Variants in CNGB1 observed in about 807,000 individuals in gnomAD.
CNGB1 encodes the protein cyclic nucleotide-gated channel beta-1.
A neutral mutation model predicts 151.7 loss-of-function variants in CNGB1; 126 were observed. The observed-to-expected ratio is 0.83, with a 90% CI of 0.72 to 0.96. The LOEUF (loss-of-function observed/expected upper bound fraction) is 0.96. Among genes scored for constraint, CNGB1 ranks in the 40% least tolerant of loss-of-function variants. The probability of loss-of-function intolerance (pLI) is 0.00; values close to 1 mark genes in which losing one functional copy is unlikely to be tolerated. For missense variants in CNGB1, 1,698 were observed against 1,627.0 expected, an observed-to-expected ratio of 1.04 and a Z score of -0.75; for synonymous variants, 623 against 635.1, an observed-to-expected ratio of 0.98 and a Z score of 0.29.
At chr16:57,891,681 C>T (rs954140568) in intron 31 of CNGB1, among the ~76,000 whole-genome samples, 51 of 151,932 alleles carry the variant, frequency 3.4e-4, no homozygotes, top group South Asian at 2.1e-4. Flanking sequence ...CTCAGCCTCC[C>T]GGGTAGCTGG....
chr16:57,904,878 G>A lies in CNGB1; in HGVS notation c.2493-3C>T, dbSNP rs1174852346. 1 of 1,614,028 alleles carries A rather than the reference G, an allele frequency of 6.2e-7. No individual in the cohort carries two copies. The highest frequency in any genetic ancestry group is 8.5e-7 in the Non-Finnish European group (1 of 1,180,042). ...CAAAGTAGTAACAGCGAATATAACTGGAGAGAGAGGAGAAAGGGAACATGG... is the reference window on the plus strand; with the variant it reads ...CAAAGTAGTAACAGCGAATATAACTAGAGAGAGAGGAGAAAGGGAACATGG... On this transcript the variant is annotated splice_region_variant and splice_polypyrimidine_tract_variant and intron_variant, in intron 25 of 32. Transcript: ENST00000251102.
Position 57,959,901 on chromosome 16 carries a change from T to C in CNGB1, c.748A>G (p.Arg250Gly), listed in dbSNP as rs1273570277. The part of the protein sequence containing the change: ...QAQTSSLPPT[R>G]DPARLVAWVL... The stretch of plus-strand genomic sequence containing the variant: ...AGGGTGGCTCACCTGGCAGGGTCCC[T>C]GGTTGGTGGCAGGGAGGAGGTCTGG... Residue 250 changes from arginine to glycine, a missense_variant, in exon 10 of 33, where the codon AGG (arginine) becomes GGG (glycine). Transcript: ENST00000251102. 2 of 1,548,210 alleles carry C rather than the reference T, an allele frequency of 1.3e-6. No homozygotes were observed. Among genetic ancestry groups the C allele is most frequent in the African/African-American group, 1.4e-5 (1 of 73,286 alleles).
rs1960496976 is a variant in CNGB1, at chr16:57,904,804, A to G, written c.2564T>C (p.Leu855Pro). 3 of 1,614,110 alleles carry G rather than the reference A, an allele frequency of 1.9e-6. No homozygotes were observed. The Admixed American group carries it at 5.0e-5, about 27-fold the overall frequency. ...CAGCAGCTGGAAGACAATTTCAAAG[A>G]GTGTCTTGGGGTCAGGCAGCCCCCC... ...TIGGLPDPKT[L>P]FEIVFQLLNY... Residue 855 changes from leucine (L) to proline (P), a missense_variant, in exon 26 of 33, where the codon CTC becomes CCC. Transcript: ENST00000251102.
chr16:57,965,467 A>G lies in CNGB1; in HGVS notation c.160-923T>C, dbSNP rs542842107. The stretch of plus-strand genomic sequence containing the variant: ...GCATAGGTACATTGCAGATGTATAC[A>G]GGTGCAGAAATATGAGTATACACAC... On this transcript the variant is annotated intron_variant, in intron 2 of 32. Transcript: ENST00000251102. Among the ~76,000 whole-genome samples the G allele has an allele frequency of 1.1e-3, 170 of 152,378 alleles. 3 individuals are homozygous for G. The highest frequency in any genetic ancestry group is 1.8e-3 in the Non-Finnish European group (121 of 68,038).
chr16:57,919,014 A>T, intron 20 of CNGB1, 85 bp downstream of exon 20: 1 of 1,596,374 alleles, frequency 6.3e-7, no homozygotes, highest in Non-Finnish European at 8.6e-7. Flanking sequence ...CCACCTCTTG[A>T]ATCCCCTGAC....
At chr16:57,897,727 C>T in intron 30 of CNGB1, 69 bp downstream of exon 30, 1 of 1,562,490 alleles carries the variant, frequency 6.4e-7, no homozygotes, top group Non-Finnish European at 8.8e-7. Context: ...GACACTCGCA[C>T]TGCCCGCTGG....
intron 12 of CNGB1, among the ~76,000 whole-genome samples, chr16:57,956,293 G>T (rs1179565716): frequency 1.3e-5 from 2 of 152,158 alleles, no homozygotes; most frequent in East Asian, 3.9e-4. Flanking sequence ...AGCCATGAGG[G>T]TCTCTGCTCT....
chr16:57,884,398 C>T lies in CNGB1; in HGVS notation c.3522G>A (p.Thr1174=). The change falls in exon 33 of 33, where the codon ACG becomes ACA. Residue 1174 remains threonine, a synonymous_variant. Coordinates refer to ENST00000251102, the MANE Select transcript of CNGB1 (RefSeq NM_001297.5). ...GGTCGGTGGCGGCCTCCTTTGGGTG[C>T]GTGTGCTGGTCTGGGGCGGCGGAGC... ...EEGSAAPDQH[T]HPKEAATDPP... is the part of the protein sequence containing the mutation. 1 of 1,613,172 alleles carries T rather than the reference C, an allele frequency of 6.2e-7. No individual in the cohort carries two copies. The highest frequency in any genetic ancestry group is 1.3e-5 in the African/African-American group (1 of 74,890).
At chr16:57,947,894 G>C (rs921080467) in intron 14 of CNGB1, among the ~76,000 whole-genome samples, 2 of 152,168 alleles carry the variant, frequency 1.3e-5, no homozygotes, top group Non-Finnish European at 2.9e-5. Flanking sequence ...CAGATGTGGA[G>C]GCAGAAGCTC....
In CNGB1 at chr16:57,917,294, G is replaced by A; in HGVS notation, c.2140C>T (p.Gln714Ter). 6.2e-7 allele frequency: 1 copy of A among 1,614,080 alleles called. No individual in the cohort carries two copies. The stretch of plus-strand genomic sequence containing the variant: ...ATGATGTCCCCGCCTCTGACAAACT[G>A]CAGGCGTGTCTGGAACACGGTGATG... ...LDITVFQTRL[Q>*]FVRGGDIITD... The change falls in exon 21 of 33, where the codon CAG becomes TAG. Residue 714 changes from glutamine (Q) to a stop codon, truncating the protein, a stop_gained. Coordinates refer to ENST00000251102, the MANE Select transcript of CNGB1 (RefSeq NM_001297.5). LOFTEE classifies it high-confidence loss of function.
intron 12 of CNGB1, 22 bp downstream of exon 12, chr16:57,957,319 G>A (rs754195114): frequency 4.3e-6 from 7 of 1,609,388 alleles, no homozygotes; most frequent in Middle Eastern, 1.6e-4. Context: ...TGTACATGGG[G>A]ACTCAGTAAT....
intron 14 of CNGB1, among the ~76,000 whole-genome samples, chr16:57,941,601 T>C (rs140328041): frequency 6.6e-6 from 1 of 152,308 alleles, no homozygotes; most frequent in Non-Finnish European, 1.5e-5. Flanking sequence ...AACAAAATCA[T>C]ATGATCATCT....
intron 12 of CNGB1, among the ~76,000 whole-genome samples, chr16:57,955,640 C>T (rs1331138112): frequency 2.0e-5 from 3 of 152,168 alleles, no homozygotes; most frequent in Non-Finnish European, 4.4e-5. Flanking sequence ...AAAGTGAGAT[C>T]ATCCCGGATT....
chr16:57,884,596 G>T (rs1959860517), intron 32 of CNGB1, 139 bp from the exon 33 acceptor site: 3 of 876,538 alleles, frequency 3.4e-6, no homozygotes, highest in African/African-American at 3.3e-5. Flanking sequence ...TCTAGTGGGT[G>T]GGGTGGAGCC....
rs756212388 is a variant in CNGB1, at chr16:57,887,869, C to G, written c.3448G>C (p.Glu1150Gln). 2 of 1,614,184 alleles carry G rather than the reference C, an allele frequency of 1.2e-6. No individual in the cohort carries two copies. Among genetic ancestry groups the G allele is most frequent in the Non-Finnish European group, 1.7e-6 (2 of 1,180,040 alleles). ...AALEAAAKQQ[E>Q]LVEQAKSSQD... The stretch of plus-strand genomic sequence containing the variant: ...AACCACATTACCTGTTCCACCAACT[C>G]TTGCTGCTTTGCAGCCGCCTCCAGC... Residue 1150 changes from glutamate to glutamine, a missense_variant, in exon 32 of 33, where the codon GAG becomes CAG. Transcript: ENST00000251102.
chr16:57,956,940 C>G (rs1233226452), intron 12 of CNGB1, among the ~76,000 whole-genome samples: 1 of 152,146 alleles, frequency 6.6e-6, no homozygotes, highest in Non-Finnish European at 1.5e-5. Flanking sequence ...GGCTGTGGAG[C>G]CTGGTTCTCC....
intron 2 of CNGB1, among the ~76,000 whole-genome samples, chr16:57,966,303 TC>T (rs1459394687): frequency 6.6e-6 from 1 of 152,148 alleles, no homozygotes; most frequent in African/African-American, 2.4e-5. Flanking sequence ...GTCTGCTGAG[TC>T]CCCGGGGCAA....
chr16:57,898,366 C>G (rs189535057), intron 29 of CNGB1, among the ~76,000 whole-genome samples: 3 of 150,756 alleles, frequency 2.0e-5, no homozygotes, highest in Non-Finnish European at 4.4e-5. Context: ...ACAACAATAA[C>G]GATAATATTC....
intron 14 of CNGB1, among the ~76,000 whole-genome samples, chr16:57,948,111 G>A (rs1961853549): frequency 6.6e-6 from 1 of 152,134 alleles, no homozygotes; most frequent in Non-Finnish European, 1.5e-5. Flanking sequence ...GGGGACTGGA[G>A]CAAGGAGAGA....
Sources: gnomAD v4.1 joint callset for allele counts (sites outside exome capture counted in the v4.1 genomes callset) on GRCh38, gnomAD v4.1.1 for gene constraint, MANE v1.5 for transcripts, NCBI Gene and HGNC (gene_info 2026-07-23, HGNC 2026-07-21) for gene names.